Variants in FOXN3 observed in about 807,000 individuals in gnomAD.
FOXN3 encodes forkhead box N3.
Under a neutral mutation model 38.4 loss-of-function variants are expected in FOXN3, and 7 were observed. The ratio of observed to expected loss-of-function variants is 0.18; its 90% CI spans 0.10 to 0.34. FOXN3 has a LOEUF of 0.34. Ranked by LOEUF, FOXN3 falls within the 10% of genes least tolerant of loss-of-function variation. The pLI is 1.00. For synonymous variants in FOXN3, 230 were observed against 242.2 expected (o/e 0.95, Z 0.47); for missense variants, 456 against 613.4 (o/e 0.74, Z 2.71).
At chr14:89,575,257 TGAC>T (rs1418098491) in intron 1 of FOXN3, among the ~76,000 whole-genome samples, 1 of 152,218 alleles carries the variant, frequency 6.6e-6, no homozygotes, top group Non-Finnish European at 1.5e-5. Flanking sequence ...CACTCTAAGA[TGAC>T]CTTGAAGGAC....
chr14:89,375,194 G>A (rs1890440520), intron 2 of FOXN3, among the ~76,000 whole-genome samples: 1 of 151,960 alleles, frequency 6.6e-6, no homozygotes, highest in African/African-American at 2.4e-5. Flanking sequence ...GGTTACAGAG[G>A]TATGTACATA....
At chr14:89,381,721 G>A (rs561697565) in intron 2 of FOXN3, among the ~76,000 whole-genome samples, 34 of 152,044 alleles carry the variant, frequency 2.2e-4, no homozygotes, top group African/African-American at 8.0e-4. Context: ...TTAGCCAGGT[G>A]TGATGGTGCG....
chr14:89,211,755 C>T (rs1184317841), intron 4 of FOXN3, among the ~76,000 whole-genome samples: 1 of 152,194 alleles, frequency 6.6e-6, no homozygotes, highest in African/African-American at 2.4e-5. Flanking sequence ...GAACGAAATT[C>T]TCTCCCCTTG....
chr14:89,398,772 G>A (rs1333963178), intron 2 of FOXN3, among the ~76,000 whole-genome samples: 1 of 152,222 alleles, frequency 6.6e-6, no homozygotes. Flanking sequence ...GATCACCTGA[G>A]GTCGGGAGTT....
At chr14:89,532,365 A>G (rs1894587154) in intron 1 of FOXN3, among the ~76,000 whole-genome samples, 1 of 152,212 alleles carries the variant, frequency 6.6e-6, no homozygotes, top group Admixed American at 6.5e-5. Context: ...ACCACCTTAA[A>G]TACACAAACA....
intron 2 of FOXN3, among the ~76,000 whole-genome samples, chr14:89,377,010 G>C (rs1890495450): frequency 2.0e-5 from 1 of 49,270 alleles, no homozygotes; most frequent in Non-Finnish European, 4.0e-5. Context: ...AAAAGATCAA[G>C]ACTCTGTCTC....
intron 4 of FOXN3, among the ~76,000 whole-genome samples, chr14:89,239,650 G>C (rs7154029): frequency 0.038 from 5,739 of 152,276 alleles, 332 homozygotes; most frequent in African/African-American, 0.13. Context: ...TAACATGGTT[G>C]CCGCATTAAC....
At chr14:89,441,390 C>T (rs191772507) in intron 1 of FOXN3, among the ~76,000 whole-genome samples, 2 of 152,168 alleles carry the variant, frequency 1.3e-5, no homozygotes, top group African/African-American at 2.4e-5. Context: ...ATTCACCTTA[C>T]GTTAAAAAGG....
At chr14:89,381,556 G>A (rs889064279) in intron 2 of FOXN3, among the ~76,000 whole-genome samples, 1 of 93,254 alleles carries the variant, frequency 1.1e-5, no homozygotes, top group Non-Finnish European at 2.5e-5. Flanking sequence ...AAAAAAAAAG[G>A]TTTGCTTAAG....
chr14:89,473,086 G>A (rs994383145), intron 1 of FOXN3, among the ~76,000 whole-genome samples: 2 of 152,018 alleles, frequency 1.3e-5, no homozygotes, highest in Non-Finnish European at 2.9e-5. Context: ...GTGCAGTGGC[G>A]CGATCTCAGC....
chr14:89,522,968 T>G (rs1332344168), intron 1 of FOXN3, among the ~76,000 whole-genome samples: 1 of 151,762 alleles, frequency 6.6e-6, no homozygotes, highest in Non-Finnish European at 1.5e-5. Flanking sequence ...TATATACTTA[T>G]AAGAAAACCA....
intron 1 of FOXN3, among the ~76,000 whole-genome samples, chr14:89,601,277 C>T (rs1896147334): frequency 6.6e-6 from 1 of 152,146 alleles, no homozygotes; most frequent in African/African-American, 2.4e-5. Flanking sequence ...GTTTTGGATA[C>T]AAACATTCCA....
intron 4 of FOXN3, among the ~76,000 whole-genome samples, chr14:89,280,159 C>G (rs935920982): frequency 2.0e-5 from 3 of 152,240 alleles, no homozygotes; most frequent in Admixed American, 6.5e-5. Context: ...CCCCGGGAAC[C>G]ACTCAATTCC....
intron 3 of FOXN3, among the ~76,000 whole-genome samples, chr14:89,325,230 CATCACTACCACCACCACG>C (rs1217257125): frequency 6.2e-5 from 7 of 113,494 alleles, no homozygotes; most frequent in Admixed American, 1.6e-4. Flanking sequence ...CCACCACCAC[CATCACTACCACCACCACG>C]ACCACCACCA....
chr14:89,498,206 C>CTTT (rs1566676005), intron 1 of FOXN3, among the ~76,000 whole-genome samples: 47 of 133,034 alleles, frequency 3.5e-4, no homozygotes, highest in African/African-American at 1.4e-3. Flanking sequence ...CTCTCTCTCT[C>CTTT]TCTCTTTTTT....
At chr14:89,221,528 A>G (rs2139842925) in intron 4 of FOXN3, among the ~76,000 whole-genome samples, 1 of 152,256 alleles carries the variant, frequency 6.6e-6, no homozygotes, top group African/African-American at 2.4e-5. Flanking sequence ...ATCCCTTAAC[A>G]TTTTCTAACA....
intron 4 of FOXN3, among the ~76,000 whole-genome samples, chr14:89,222,095 C>A (rs570942792): frequency 3.3e-5 from 5 of 152,160 alleles, no homozygotes; most frequent in Non-Finnish European, 7.4e-5. Context: ...GGATTACAGG[C>A]GTGAGCCACC....
chr14:89,473,059 C>G (rs1939462975), intron 1 of FOXN3, among the ~76,000 whole-genome samples: 1 of 151,860 alleles, frequency 6.6e-6, no homozygotes, highest in Admixed American at 6.6e-5. Flanking sequence ...GAGTCTCGCT[C>G]TGTCACCCAG....
chr14:89,342,365 A>G (rs918436285), intron 3 of FOXN3, among the ~76,000 whole-genome samples: 2 of 152,230 alleles, frequency 1.3e-5, no homozygotes, highest in African/African-American at 4.8e-5. Flanking sequence ...TTTAAATAAA[A>G]CAACACAGGA....
Sources: gnomAD v4.1 joint callset for allele counts (sites outside exome capture counted in the v4.1 genomes callset) on GRCh38, gnomAD v4.1.1 for gene constraint, MANE v1.5 for transcripts, NCBI Gene and HGNC (gene_info 2026-07-23, HGNC 2026-07-21) for gene names.